Variants in GRAMD1B observed in about 807,000 individuals in gnomAD.
The protein encoded by GRAMD1B is GRAM domain containing 1B, also known as protein Aster-B.
GRAMD1B carries 37 observed loss-of-function variants against 99.7 expected under a neutral mutation model. The ratio of observed to expected loss-of-function variants is 0.37; its 90% CI spans 0.29 to 0.49. The LOEUF is 0.49. Ranked by LOEUF, GRAMD1B falls within the 20% of genes least tolerant of loss-of-function variation. GRAMD1B has a pLI of 0.98. For synonymous variants in GRAMD1B, 427 were observed against 387.6 expected, an observed-to-expected ratio of 1.10 and a Z score of -1.19; for missense variants, 888 against 1,009.2, an observed-to-expected ratio of 0.88 and a Z score of 1.63.
rs1050729740 is a variant in GRAMD1B, at chr11:123,510,817, G to A, written c.452+29924G>A. On this transcript the variant is annotated intron_variant, in intron 2 of 19. Transcript: ENST00000635736. This position sits in a 1 kb window ranked among gnomAD's most constrained non-coding sequence, Gnocchi z 4.3. ...GCCCGCCACTCGTGAGCATCCAGGG[G>A]CTGTGTCAGAGTGGAGGGAAATGTT... Among the ~76,000 whole-genome samples, 1 of 152,176 alleles carries A rather than the reference G, an allele frequency of 6.6e-6. No homozygotes were observed. Among genetic ancestry groups the A allele is most frequent in the East Asian group, 1.9e-4 (1 of 5,176 alleles).
chr11:123,390,913 C>T (rs1947254306), intron 1 of GRAMD1B, among the ~76,000 whole-genome samples: 1 of 152,228 alleles, frequency 6.6e-6, no homozygotes, highest in Admixed American at 6.5e-5. Flanking sequence ...ATCCTTAACT[C>T]TCATGCTCAC....
intron 17 of GRAMD1B, among the ~76,000 whole-genome samples, chr11:123,617,635 G>A (rs1592304812): frequency 6.6e-6 from 1 of 152,274 alleles, no homozygotes; most frequent in Non-Finnish European, 1.5e-5. Flanking sequence ...AACCCCAGTA[G>A]GATAGGTATT....
intron 1 of GRAMD1B, among the ~76,000 whole-genome samples, chr11:123,452,203 A>T (rs1244892042): frequency 1.3e-5 from 2 of 152,200 alleles, no homozygotes; most frequent in East Asian, 1.9e-4. Flanking sequence ...GTAAAAATTT[A>T]AAATGTGACA....
chr11:123,505,313 C>T (rs1297000711), intron 2 of GRAMD1B, among the ~76,000 whole-genome samples: 2 of 152,030 alleles, frequency 1.3e-5, no homozygotes, highest in Non-Finnish European at 2.9e-5. Flanking sequence ...ATTATAGACG[C>T]GAGCCATCAT....
chr11:123,606,258 G>A (rs1302164596), intron 10 of GRAMD1B, among the ~76,000 whole-genome samples: 3 of 152,216 alleles, frequency 2.0e-5, no homozygotes, highest in African/African-American at 7.2e-5. Context: ...GAAGCCTTTC[G>A]AGCTTCTTAG....
intron 1 of GRAMD1B, among the ~76,000 whole-genome samples, chr11:123,381,819 C>T (rs967312729): frequency 2.6e-5 from 4 of 152,114 alleles, no homozygotes; most frequent in Admixed American, 6.6e-5. Context: ...GACCTATTAC[C>T]TTGCAAATGA....
intron 1 of GRAMD1B, among the ~76,000 whole-genome samples, chr11:123,375,400 TAAAA>T (rs879389466): frequency 6.8e-6 from 1 of 146,946 alleles, no homozygotes. Context: ...TTCTATTAAA[TAAAA>T]AAAAAAGAGA....
Position 123,613,452 on chromosome 11 carries a change from T to C in GRAMD1B, c.2024-3T>C, listed in dbSNP as rs1003432541. On this transcript the variant is annotated splice_region_variant and splice_polypyrimidine_tract_variant and intron_variant, in intron 15 of 19. Transcript: ENST00000635736. ...TCTCCTGTGGTCCTTTTGTCTCTGA[T>C]AGAGAGCGAGCTGGCCAAAACGGAG... 4.4e-6 allele frequency: 7 copies of C among 1,604,882 alleles called. No individual in the cohort carries two copies. The Middle Eastern group carries it at 6.6e-4, about 151-fold the overall frequency.
intron 1 of GRAMD1B, among the ~76,000 whole-genome samples, chr11:123,372,624 A>G (rs559780901): frequency 2.6e-5 from 4 of 152,322 alleles, no homozygotes; most frequent in Admixed American, 2.6e-4. Context: ...TACAAGCAGA[A>G]TATCTTGTAA....
At chr11:123,567,664 G>A (rs970105732) in intron 2 of GRAMD1B, among the ~76,000 whole-genome samples, 1 of 152,176 alleles carries the variant, frequency 6.6e-6, no homozygotes, top group African/African-American at 2.4e-5. Context: ...GCCTGTTCCT[G>A]GATTGAATTC....
At chr11:123,529,356 T>G (rs1385415752) in intron 2 of GRAMD1B, among the ~76,000 whole-genome samples, 1 of 152,240 alleles carries the variant, frequency 6.6e-6, no homozygotes, top group African/African-American at 2.4e-5. Flanking sequence ...CAGCTGTACC[T>G]CATGGAGTTA....
At chr11:123,563,828 G>C (rs892499039) in intron 2 of GRAMD1B, among the ~76,000 whole-genome samples, 1 of 152,156 alleles carries the variant, frequency 6.6e-6, no homozygotes, top group Admixed American at 6.5e-5. Flanking sequence ...GAAAGCCCTG[G>C]GATTTCGTAC....
chr11:123,448,604 A>C (rs1949744783), intron 1 of GRAMD1B, among the ~76,000 whole-genome samples: 1 of 152,184 alleles, frequency 6.6e-6, no homozygotes, highest in East Asian at 1.9e-4. Context: ...CTGAGACCTC[A>C]TATTTTTCCT....
At chr11:123,581,856 C>T (rs575855023) in intron 3 of GRAMD1B, among the ~76,000 whole-genome samples, 6 of 152,348 alleles carry the variant, frequency 3.9e-5, no homozygotes, top group East Asian at 3.9e-4. Flanking sequence ...AAGGCACAAG[C>T]GCCGATGTGC....
At chr11:123,519,073 C>T (rs971353041) in intron 2 of GRAMD1B, among the ~76,000 whole-genome samples, 2 of 152,196 alleles carry the variant, frequency 1.3e-5, no homozygotes, top group African/African-American at 2.4e-5. Context: ...GCCCTCTGGC[C>T]GGGTGCCTGC....
chr11:123,456,882 T>C (rs1322043934), intron 1 of GRAMD1B, among the ~76,000 whole-genome samples: 3 of 143,630 alleles, frequency 2.1e-5, no homozygotes, highest in Non-Finnish European at 3.0e-5. Context: ...ATGGCGCCAC[T>C]GTACTCCAGC....
At chr11:123,422,549 C>T (rs868726240) in intron 1 of GRAMD1B, among the ~76,000 whole-genome samples, 1 of 152,206 alleles carries the variant, frequency 6.6e-6, no homozygotes, top group Middle Eastern at 3.2e-3. Flanking sequence ...GGCAAACATG[C>T]TGTCCTATCA....
At chr11:123,473,693 T>C (rs1951126404) in intron 1 of GRAMD1B, among the ~76,000 whole-genome samples, 1 of 152,184 alleles carries the variant, frequency 6.6e-6, no homozygotes, top group Non-Finnish European at 1.5e-5. Context: ...CAGGTTCCCA[T>C]GGGAGCTATT....
At position 123,617,715 on chromosome 11, in the gene GRAMD1B, G is replaced by T. The variant is rs115123679; in HGVS notation, c.2319-978G>T. 3.9e-3 allele frequency among the ~76,000 whole-genome samples: 588 copies of T among 152,276 alleles called. 5 individuals are homozygous for T. Among genetic ancestry groups the T allele is most frequent in the African/African-American group, 0.013 (557 of 41,536 alleles). On this transcript the variant is annotated intron_variant, in intron 17 of 19. Coordinates refer to ENST00000635736, the MANE Select transcript of GRAMD1B (RefSeq NM_001387025.1). ...AGAGATTTTTAAGTGGTGAGCCAGG[G>T]TTTGCATCCAGTTTTGTGTGTCTCT... is the stretch of plus-strand genomic sequence containing the variant.
Sources: allele counts gnomAD v4.1 joint callset (sites outside exome capture counted in the v4.1 genomes callset), GRCh38; gene constraint gnomAD v4.1.1; non-coding constraint Gnocchi (gnomAD v3.1); transcripts MANE v1.5; gene names NCBI Gene and HGNC (gene_info 2026-07-23, HGNC 2026-07-21).